LMNTD1: variants seen among roughly 807,000 people sequenced by gnomAD.
LMNTD1 encodes the protein lamin tail domain containing 1.
A neutral mutation model predicts 50.9 loss-of-function variants in LMNTD1; 35 were observed. The observed-to-expected ratio is 0.69, with a 90% CI of 0.53 to 0.91. The LOEUF (loss-of-function observed/expected upper bound fraction) is 0.91. LMNTD1 is among the 40% of genes least tolerant of loss of function. LMNTD1 has a pLI of 0.00. For missense variants in LMNTD1, 470 were observed against 475.5 expected, an observed-to-expected ratio of 0.99 and a Z score of 0.11; for synonymous variants, 153 against 161.9, an observed-to-expected ratio of 0.94 and a Z score of 0.42.
At position 25,526,105 on chromosome 12, in the gene LMNTD1, G is replaced by A. The variant is rs201860458; in HGVS notation, c.792C>T (p.Asn264=). 83 of 1,559,542 alleles carry A rather than the reference G, an allele frequency of 5.3e-5. No individual in the cohort carries two copies. Among genetic ancestry groups the A allele is most frequent in the South Asian group, 3.6e-4 (29 of 80,284 alleles). Residue 264 remains asparagine, a synonymous_variant, in exon 6 of 10, where the codon AAC becomes AAT. Coordinates refer to ENST00000458174, the MANE Select transcript of LMNTD1 (RefSeq NM_001145728.2). The part of the protein sequence containing the change: ...PDCITILCKP[N]GQAIAWYTPI... Reference sequence around the variant, plus strand: ...TTAAGAACCAGAAACTAACTTGACCGTTCGGTTTGCACAGGATTGTTATAC... The same window carrying A: ...TTAAGAACCAGAAACTAACTTGACCATTCGGTTTGCACAGGATTGTTATAC...
rs531308866 is a variant in LMNTD1 at position 25,608,868 on chromosome 12, G to A, written c.58+39626C>T. On this transcript the variant is annotated intron_variant, in intron 1 of 7. Coordinates refer to the LMNTD1 transcript ENST00000445693. The stretch of plus-strand genomic sequence containing the variant: ...ATTTCCTGAATTTGAATGTTGCCCT[G>A]CCTTGTTTGGTTGGGGAAGTTCTCC... Among the ~76,000 whole-genome samples the A allele has an allele frequency of 2.6e-5, 4 of 152,262 alleles. No homozygotes were observed. In the South Asian group the frequency reaches 6.2e-4, roughly 24 times the overall value.
At chr12:25,537,700 G>A (rs1357619632) in intron 4 of LMNTD1, among the ~76,000 whole-genome samples, 2 of 152,142 alleles carry the variant, frequency 1.3e-5, no homozygotes, top group Non-Finnish European at 2.9e-5. Context: ...CTCCTCACCA[G>A]CAACAGAACA....
rs943381279 is a variant in LMNTD1, at chr12:25,483,968, C to T, written c.*23-7508G>A. Among the ~76,000 whole-genome samples, 11 of 151,848 alleles carry T rather than the reference C, an allele frequency of 7.2e-5. 1 individual carries two copies. The highest frequency in any genetic ancestry group is 2.4e-4 in the African/African-American group (10 of 41,180). On this transcript the variant is annotated intron_variant, in intron 9 of 9. Transcript: ENST00000458174. ...GCTGACTAACCTTTCTTGGTTATGT[C>T]TATTTCTACAAAGTTCAGCCAAAAA... is the stretch of plus-strand genomic sequence containing the variant.
intron 1 of LMNTD1, among the ~76,000 whole-genome samples, chr12:25,590,443 G>C (rs1490730514): frequency 6.6e-6 from 1 of 152,168 alleles, no homozygotes; most frequent in Non-Finnish European, 1.5e-5. Context: ...GTGCTCTGGG[G>C]CCCTTAATAA....
In LMNTD1 at chr12:25,546,554, T is replaced by A. The variant is rs769323598; in HGVS notation, c.311A>T (p.Asp104Val). 1 of 1,521,236 alleles carries A rather than the reference T, an allele frequency of 6.6e-7. No homozygotes were observed. 94.2% of individuals were successfully genotyped at this position (1,521,236 alleles called of 1,614,324 possible). A position where few individuals can be genotyped will look rare whatever the true frequency, so the allele number is the denominator to read the frequency against. ...CTTCGGAACTGAGAAGGGGCTGGCA[T>A]CTTTCAAGTAGACAGAAGAAAGAAG... ...GSCSRVENSL[D>V]ASPFSVPKKQ... Residue 104 changes from aspartate (D) to valine (V), a missense_variant and splice_region_variant, in exon 4 of 10, where the codon GAT becomes GTT. Physicochemically the swap from Asp to Val is radical, Grantham distance 152. Transcript: ENST00000458174.
chr12:25,490,684 C>T (rs939571293), intron 9 of LMNTD1, among the ~76,000 whole-genome samples: 2 of 152,158 alleles, frequency 1.3e-5, no homozygotes, highest in East Asian at 3.8e-4. Flanking sequence ...TCATCAATGT[C>T]CTCTAATGCT....
chr12:25,632,810 C>T (rs577865001), intron 1 of LMNTD1, among the ~76,000 whole-genome samples: 6 of 152,192 alleles, frequency 3.9e-5, no homozygotes, highest in South Asian at 4.2e-4. Flanking sequence ...TGCAACGGTA[C>T]CTCATATTTC....
intron 4 of LMNTD1, among the ~76,000 whole-genome samples, chr12:25,530,487 G>A (rs1942145296): frequency 6.6e-6 from 1 of 152,104 alleles, no homozygotes; most frequent in Non-Finnish European, 1.5e-5. Flanking sequence ...TTCATATAAG[G>A]AGCTAATTTT....
intron 9 of LMNTD1, among the ~76,000 whole-genome samples, chr12:25,498,051 T>C (rs1939166903): frequency 1.3e-5 from 2 of 152,154 alleles, no homozygotes; most frequent in Non-Finnish European, 2.9e-5. Context: ...TATATAAATA[T>C]ACATGAATCA....
chr12:25,614,347 C>T (rs1313239033), intron 1 of LMNTD1, among the ~76,000 whole-genome samples: 1 of 152,104 alleles, frequency 6.6e-6, no homozygotes, highest in African/African-American at 2.4e-5. Flanking sequence ...CAGACACATT[C>T]CCTTGATGAG....
intron 1 of LMNTD1, among the ~76,000 whole-genome samples, chr12:25,604,168 T>C (rs1169354013): frequency 1.3e-5 from 2 of 152,122 alleles, no homozygotes; most frequent in Non-Finnish European, 2.9e-5. Flanking sequence ...TGTTTAGTTC[T>C]ATTTTTTACA....
At chr12:25,514,144 G>C (rs188378287) in intron 8 of LMNTD1, among the ~76,000 whole-genome samples, 2 of 152,064 alleles carry the variant, frequency 1.3e-5, no homozygotes, top group Admixed American at 6.5e-5. Context: ...GAATGATTAC[G>C]TACCAATAAC....
chr12:25,528,196 TA>T (rs1941950986), intron 4 of LMNTD1, among the ~76,000 whole-genome samples: 3 of 152,064 alleles, frequency 2.0e-5, no homozygotes, highest in East Asian at 3.9e-4. Flanking sequence ...AAGGTCACAC[TA>T]AAAAAATGTG....
In LMNTD1 at chr12:25,553,073, T is replaced by G; in HGVS notation, c.-35A>C. 1 of 1,613,360 alleles carries G rather than the reference T, an allele frequency of 6.2e-7. No individual in the cohort carries two copies. The highest frequency in any genetic ancestry group is 8.5e-7 in the Non-Finnish European group (1 of 1,179,334). On this transcript the variant is annotated 5_prime_UTR_variant, in exon 1 of 10. Transcript: ENST00000458174. ...TTCTTTTCAAAGTGACCTCACCTGT[T>G]AATCCAACTACCTTCAAGCATCAGC...
intron 1 of LMNTD1, among the ~76,000 whole-genome samples, chr12:25,640,825 G>A (rs908805608): frequency 6.6e-6 from 1 of 151,974 alleles, no homozygotes; most frequent in African/African-American, 2.4e-5. Flanking sequence ...ACCATGCCTG[G>A]CTAACTTTTT....
Position 25,485,438 on chromosome 12 carries a change from T to C in LMNTD1, c.*23-8978A>G, listed in dbSNP as rs200789867. 1.8e-3 allele frequency among the ~76,000 whole-genome samples: 123 copies of C among 67,192 alleles called. 20 individuals carry two copies. In the East Asian group the frequency reaches 0.08, roughly 44 times the overall value. The allele number at this position is 67,192 out of a possible 152,430, so 44.1% of individuals were successfully genotyped here. On this transcript the variant is annotated intron_variant, in intron 9 of 9. Transcript: ENST00000458174. The stretch of plus-strand genomic sequence containing the variant: ...TCAGATGAGTAGGTTGCGAAAATTT[T>C]CTCCCATTTTGTAGGTTGCTTGTTC...
In LMNTD1 at chr12:25,521,195, T is replaced by C. The variant is rs566432298; in HGVS notation, c.799-1120A>G. On this transcript the variant is annotated intron_variant, in intron 6 of 9. Transcript: ENST00000458174. ...TTATTTTGTTAATTGTTTCCTTTGCTGTGCAGAAGCTTTTTAGCTTGACAT... is the reference window on the plus strand; with the variant it reads ...TTATTTTGTTAATTGTTTCCTTTGCCGTGCAGAAGCTTTTTAGCTTGACAT... 1.8e-3 allele frequency among the ~76,000 whole-genome samples: 280 copies of C among 152,300 alleles called. 1 individual carries two copies. The highest frequency in any genetic ancestry group is 5.0e-3 in the African/African-American group (206 of 41,564).
chr12:25,557,132 C>T (rs922721304), upstream of LMNTD1: 2 of 152,098 alleles, frequency 1.3e-5, no homozygotes, highest in African/African-American at 4.8e-5. Context: ...AGTATAAATT[C>T]CTATTATAAA....
chr12:25,494,542 G>T (rs1469578855), intron 9 of LMNTD1, among the ~76,000 whole-genome samples: 1 of 152,010 alleles, frequency 6.6e-6, no homozygotes, highest in Non-Finnish European at 1.5e-5. Flanking sequence ...CTTGTCTCTG[G>T]TTTGTCTCCA....
Sources: allele counts gnomAD v4.1 joint callset (sites outside exome capture counted in the v4.1 genomes callset), GRCh38; gene constraint gnomAD v4.1.1; transcripts MANE v1.5; gene names NCBI Gene and HGNC (gene_info 2026-07-23, HGNC 2026-07-21).